DGKB: variants seen among roughly 807,000 people sequenced by gnomAD.
DGKB encodes diacylglycerol kinase beta.
In DGKB, 67 loss-of-function variants were observed where a neutral mutation model predicts 114.3. That is an observed-to-expected ratio of 0.59 (90% CI 0.48 to 0.72). The LOEUF (loss-of-function observed/expected upper bound fraction) is 0.72, where lower values mean the gene tolerates loss of function less well. DGKB is among the 30% of genes least tolerant of loss of function. The pLI is 0.00. For missense variants in DGKB, 907 were observed against 975.2 expected, an observed-to-expected ratio of 0.93 and a Z score of 0.93; for synonymous variants, 398 against 323.1, an observed-to-expected ratio of 1.23 and a Z score of -2.49.
intron 20 of DGKB, among the ~76,000 whole-genome samples, chr7:14,523,281 G>A (rs541547209): frequency 6.6e-6 from 1 of 152,084 alleles, no homozygotes; most frequent in Non-Finnish European, 1.5e-5. Context: ...TTTGAAGAAG[G>A]CATCATGGAG....
intron 20 of DGKB, among the ~76,000 whole-genome samples, chr7:14,485,132 AC>A (rs2128920619): frequency 7.0e-6 from 1 of 143,740 alleles, no homozygotes; most frequent in Non-Finnish European, 1.5e-5. Context: ...ACACACACAC[AC>A]ACAATCAGTG....
chr7:14,656,998 G>A (rs999688721), intron 13 of DGKB, among the ~76,000 whole-genome samples: 3 of 151,664 alleles, frequency 2.0e-5, no homozygotes, highest in African/African-American at 7.3e-5. Context: ...GCCAATCTGA[G>A]ACAATGTAAC....
chr7:14,681,886 G>T (rs1394077508), intron 12 of DGKB, among the ~76,000 whole-genome samples: 1 of 151,998 alleles, frequency 6.6e-6, no homozygotes, highest in Non-Finnish European at 1.5e-5. Context: ...ATCAAGACAA[G>T]CATTTACATC....
At chr7:14,768,260 T>C (rs1439278017) in intron 2 of DGKB, among the ~76,000 whole-genome samples, 3 of 151,988 alleles carry the variant, frequency 2.0e-5, no homozygotes, top group Non-Finnish European at 4.4e-5. Flanking sequence ...GAAGCTTTAA[T>C]GTGAGAAGGA....
intron 1 of DGKB, among the ~76,000 whole-genome samples, chr7:14,953,138 A>G (rs1786302373): frequency 6.6e-6 from 1 of 152,104 alleles, no homozygotes; most frequent in African/African-American, 2.4e-5. Flanking sequence ...AATTTCTGAC[A>G]TTGGATTTGC....
chr7:14,303,445 T>G (rs932718212), intron 23 of DGKB, among the ~76,000 whole-genome samples: 1 of 152,238 alleles, frequency 6.6e-6, no homozygotes, highest in East Asian at 1.9e-4. Flanking sequence ...TTTTTGTTAT[T>G]ATTGGTCCTT....
intron 21 of DGKB, among the ~76,000 whole-genome samples, chr7:14,440,215 G>T (rs573675667): frequency 6.6e-6 from 1 of 152,192 alleles, no homozygotes; most frequent in Admixed American, 6.6e-5. Context: ...CTTCAGATTT[G>T]CCTAATCACA....
chr7:14,709,799 C>G (rs1392960901), intron 6 of DGKB, among the ~76,000 whole-genome samples: 1 of 122,326 alleles, frequency 8.2e-6, no homozygotes, highest in Non-Finnish European at 1.6e-5. Context: ...GGGAATATCA[C>G]ACTCTGGGGA....
intron 21 of DGKB, among the ~76,000 whole-genome samples, chr7:14,432,009 G>A (rs1234757864): frequency 2.6e-5 from 4 of 152,046 alleles, no homozygotes. Flanking sequence ...TATGTTTCAG[G>A]GGAAAATGAA....
At chr7:14,426,028 T>C (rs1827461508) in intron 21 of DGKB, among the ~76,000 whole-genome samples, 1 of 152,178 alleles carries the variant, frequency 6.6e-6, no homozygotes, top group Non-Finnish European at 1.5e-5. Flanking sequence ...AACCTGAAAC[T>C]CCTGTATTTT....
rs138569903 is a variant in DGKB, at chr7:14,832,200, G to A, written c.70+8994C>T. ...AGAAAAGGTTACATAAGTTGCTGAC[G>A]GCCAAAACTAACAAGTTAAGGAAAT... On this transcript the variant is annotated intron_variant, in intron 2 of 25. Coordinates refer to ENST00000402815, the MANE Select transcript of DGKB (RefSeq NM_001350709.2). Among the ~76,000 whole-genome samples the A allele has an allele frequency of 8.3e-3, 1,257 of 151,854 alleles. 68 individuals carry two copies. Among genetic ancestry groups the A allele is most frequent in the Admixed American group, 0.075 (1,148 of 15,224 alleles).
At chr7:14,392,995 G>GTTTTGTTGTTGTTTTTTTTTT (rs1554404749) in intron 21 of DGKB, among the ~76,000 whole-genome samples, 3 of 60,546 alleles carry the variant, frequency 5.0e-5, no homozygotes, top group Admixed American at 2.3e-4. Context: ...TTTTGTTTTT[G>GTTTTGTTGTTGTTTTTTTTTT]TTTTTTTTTT....
intron 21 of DGKB, among the ~76,000 whole-genome samples, chr7:14,382,481 C>T (rs1371462990): frequency 6.6e-6 from 1 of 151,488 alleles, no homozygotes; most frequent in African/African-American, 2.4e-5. Context: ...CACATACACA[C>T]ATATATCCTA....
At chr7:14,153,413 TATA>T (rs1782517237) in intron 25 of DGKB, among the ~76,000 whole-genome samples, 1 of 152,096 alleles carries the variant, frequency 6.6e-6, no homozygotes, top group South Asian at 2.1e-4. Context: ...ATTTTACTTT[TATA>T]ATGTCTAATT....
At chr7:14,177,480 G>A (rs1257448898) in intron 24 of DGKB, among the ~76,000 whole-genome samples, 1 of 146,330 alleles carries the variant, frequency 6.8e-6, no homozygotes, top group Non-Finnish European at 1.5e-5. Context: ...CCTTGAAACT[G>A]GAAGGTGGGG....
intron 1 of DGKB, among the ~76,000 whole-genome samples, chr7:14,909,638 G>A (rs575441012): frequency 6.6e-6 from 1 of 152,016 alleles, no homozygotes; most frequent in Non-Finnish European, 1.5e-5. Flanking sequence ...TGCAAAATAA[G>A]AATACATTGC....
chr7:14,685,448 G>A, intron 9 of DGKB, 86 bp from the exon 10 acceptor site: 1 of 921,406 alleles, frequency 1.1e-6, no homozygotes, highest in South Asian at 1.5e-5. Flanking sequence ...GAGCTGGACT[G>A]AAGCATGTGA....
intron 2 of DGKB, among the ~76,000 whole-genome samples, chr7:14,817,807 T>C (rs968104205): frequency 1.3e-5 from 2 of 152,160 alleles, no homozygotes; most frequent in Non-Finnish European, 2.9e-5. Context: ...TTGACAATAA[T>C]GATATAGCGC....
At chr7:14,610,666 G>A (rs1455390027) in intron 16 of DGKB, among the ~76,000 whole-genome samples, 1 of 151,858 alleles carries the variant, frequency 6.6e-6, no homozygotes, top group Admixed American at 6.6e-5. Flanking sequence ...ACCTAGAGTT[G>A]TTCTCAATAC....
Sources: gnomAD v4.1 joint callset for allele counts (sites outside exome capture counted in the v4.1 genomes callset) on GRCh38, gnomAD v4.1.1 for gene constraint, MANE v1.5 for transcripts, NCBI Gene and HGNC (gene_info 2026-07-23, HGNC 2026-07-21) for gene names.